NAALADL2: variants seen among roughly 807,000 people sequenced by gnomAD.
NAALADL2 encodes the protein inactive N-acetylated-alpha-linked acidic dipeptidase-like protein 2.
In NAALADL2, 76 loss-of-function variants were observed where a neutral mutation model predicts 87.2. That is an observed-to-expected ratio of 0.87 (90% CI 0.72 to 1.05). The LOEUF (loss-of-function observed/expected upper bound fraction) is 1.05, where lower values mean the gene tolerates loss of function less well. NAALADL2 is among the 50% of genes least tolerant of loss of function. The pLI is 0.00. For missense variants in NAALADL2, 1,089 were observed against 945.8 expected (o/e 1.15, Z -1.99); for synonymous variants, 354 against 331.0 (o/e 1.07, Z -0.75).
At chr3:175,490,207 G>T (rs1727857579) in intron 9 of NAALADL2, among the ~76,000 whole-genome samples, 1 of 152,030 alleles carries the variant, frequency 6.6e-6, no homozygotes, top group Non-Finnish European at 1.5e-5. Context: ...TTGCTGTAAT[G>T]GTGTGAAGAT....
chr3:174,885,559 G>T (rs1468319692), intron 1 of NAALADL2, among the ~76,000 whole-genome samples: 2 of 152,094 alleles, frequency 1.3e-5, no homozygotes, highest in African/African-American at 4.8e-5. Flanking sequence ...TCTCTAAACA[G>T]TTTATGCCAA....
chr3:174,698,870 GA>G (rs1008476334), intron 2 of NAALADL2, among the ~76,000 whole-genome samples: 1,233 of 82,930 alleles, frequency 0.015, 150 homozygotes, highest in African/African-American at 0.031. Flanking sequence ...TCTCAAAGAA[GA>G]AAAAAAAAAA....
intron 1 of NAALADL2, among the ~76,000 whole-genome samples, chr3:174,868,650 T>C (rs2861851): frequency 0.3 from 45,065 of 151,732 alleles, 6,683 homozygotes; most frequent in Admixed American, 0.34. Context: ...ATGAAGAGAC[T>C]GTGAAAACTT....
rs149338127 is a variant in NAALADL2, at chr3:175,570,797, G to A, written c.1654-5244G>A. On this transcript the variant is annotated intron_variant, in intron 9 of 13. Transcript: ENST00000454872. The stretch of plus-strand genomic sequence containing the variant: ...CGGGAGACTGAGGCAGGAGAATGGC[G>A]TGAACCCAGGGGGCAGAGCTTGCAG... Among the ~76,000 whole-genome samples, 45 of 150,880 alleles carry A rather than the reference G, an allele frequency of 3.0e-4. No homozygotes were observed. The East Asian group carries it at 7.9e-3, about 26-fold the overall frequency.
chr3:174,608,135 C>T (rs2108630341), intron 2 of NAALADL2, among the ~76,000 whole-genome samples: 1 of 151,690 alleles, frequency 6.6e-6, no homozygotes, highest in East Asian at 1.9e-4. Flanking sequence ...AAAGACACAA[C>T]ATACCAGAAT....
chr3:175,579,866 G>A (rs1162179338), intron 10 of NAALADL2, among the ~76,000 whole-genome samples: 5 of 148,386 alleles, frequency 3.4e-5, no homozygotes, highest in Admixed American at 1.3e-4. Context: ...GCATGCCAGA[G>A]GGTCTATCTT....
At chr3:174,900,789 T>C (rs1732213825) in intron 1 of NAALADL2, among the ~76,000 whole-genome samples, 2 of 152,112 alleles carry the variant, frequency 1.3e-5, no homozygotes, top group Admixed American at 6.6e-5. Flanking sequence ...CATGTATTTT[T>C]TTAATGATAA....
intron 10 of NAALADL2, among the ~76,000 whole-genome samples, chr3:175,621,060 G>C (rs1362341377): frequency 6.6e-6 from 1 of 152,116 alleles, no homozygotes; most frequent in Admixed American, 6.6e-5. Context: ...ATTCGGAAAC[G>C]ACCAGTCAGG....
At chr3:175,801,860 T>C (rs931828712) in intron 13 of NAALADL2, among the ~76,000 whole-genome samples, 1 of 152,124 alleles carries the variant, frequency 6.6e-6, no homozygotes, top group East Asian at 1.9e-4. Flanking sequence ...GTTTTAGACT[T>C]TCCCAAATCA....
chr3:174,731,667 G>A (rs2108984081), intron 2 of NAALADL2, among the ~76,000 whole-genome samples: 1 of 152,162 alleles, frequency 6.6e-6, no homozygotes, highest in South Asian at 2.1e-4. Flanking sequence ...CAGATTGCTG[G>A]GCCCTATCTC....
chr3:175,402,422 G>A (rs1204018535), intron 5 of NAALADL2, among the ~76,000 whole-genome samples: 1 of 152,040 alleles, frequency 6.6e-6, no homozygotes, highest in Non-Finnish European at 1.5e-5. Context: ...ATTGCTTTTA[G>A]AGTGATCATT....
rs564415799 is a variant in NAALADL2, at chr3:174,797,423, T to C, written c.-9+59677T>C. On this transcript the variant is annotated intron_variant, in intron 3 of 3. Coordinates refer to the NAALADL2 transcript ENST00000434257. The stretch of plus-strand genomic sequence containing the variant: ...GCCTCCCGGGTTCAAGCGATTCTCC[T>C]GTCTCAGCCTCCAGAGTAGTGGAAT... 3.4e-5 allele frequency among the ~76,000 whole-genome samples: 5 copies of C among 148,796 alleles called. No homozygotes were observed. The East Asian group carries it at 1.0e-3, about 31-fold the overall frequency.
At chr3:175,542,662 G>A (rs1395549155) in intron 9 of NAALADL2, among the ~76,000 whole-genome samples, 1 of 152,074 alleles carries the variant, frequency 6.6e-6, no homozygotes, top group African/African-American at 2.4e-5. Flanking sequence ...ACCCGGCCTT[G>A]TATTTTCAAT....
intron 5 of NAALADL2, among the ~76,000 whole-genome samples, chr3:175,432,553 G>A (rs1409353550): frequency 6.6e-6 from 1 of 151,896 alleles, no homozygotes; most frequent in East Asian, 1.9e-4. Context: ...TTGGCTCCTT[G>A]CCATTCCCTT....
intron 9 of NAALADL2, among the ~76,000 whole-genome samples, chr3:175,554,578 C>T (rs538608428): frequency 1.6e-4 from 25 of 152,078 alleles, no homozygotes; most frequent in South Asian, 8.3e-4. Flanking sequence ...TGGTGGGTTA[C>T]ATGGGGGTAC....
intron 2 of NAALADL2, among the ~76,000 whole-genome samples, chr3:174,635,801 A>G (rs918242882): frequency 1.3e-5 from 2 of 151,868 alleles, no homozygotes; most frequent in Non-Finnish European, 2.9e-5. Flanking sequence ...CCACGTCTGG[A>G]CGATATTCAC....
At chr3:174,866,950 G>T (rs138530670) in intron 1 of NAALADL2, among the ~76,000 whole-genome samples, 2 of 151,168 alleles carry the variant, frequency 1.3e-5, no homozygotes, top group Non-Finnish European at 3.0e-5. Flanking sequence ...TTCTTTTCTA[G>T]ATTAGAAAAC....
intron 2 of NAALADL2, among the ~76,000 whole-genome samples, chr3:174,566,300 C>G (rs1011084311): frequency 3.3e-5 from 5 of 151,708 alleles, no homozygotes; most frequent in Non-Finnish European, 5.9e-5. Flanking sequence ...ACAGTTTATT[C>G]AGACACAATT....
At chr3:174,843,732 C>T (rs190669001) in intron 3 of NAALADL2, among the ~76,000 whole-genome samples, 43 of 152,128 alleles carry the variant, frequency 2.8e-4, no homozygotes, top group Non-Finnish European at 4.9e-4. Flanking sequence ...TAACTAGAGT[C>T]AGGTGTTATC....
Sources: allele counts gnomAD v4.1 joint callset (sites outside exome capture counted in the v4.1 genomes callset), GRCh38; gene constraint gnomAD v4.1.1; transcripts MANE v1.5; gene names NCBI Gene and HGNC (gene_info 2026-07-23, HGNC 2026-07-21).